The following CSTF3 variants were observed in gnomAD, a reference collection of about 807,000 sequenced individuals.
The protein encoded by CSTF3 is cleavage stimulation factor subunit 3.
A neutral mutation model predicts 105.8 loss-of-function variants in CSTF3; 29 were observed. That is an observed-to-expected ratio of 0.27 (90% confidence interval 0.20 to 0.37). The LOEUF is 0.37. Among genes scored for constraint, CSTF3 ranks in the 10% least tolerant of loss-of-function variants. The probability of loss-of-function intolerance (pLI) is 1.00; values close to 1 mark genes in which losing one functional copy is unlikely to be tolerated. For missense variants in CSTF3, 357 were observed against 879.3 expected (o/e 0.41, Z 7.51); for synonymous variants, 252 against 281.9 (o/e 0.89, Z 1.06).
At chr11:33,150,634 A>G (rs1590288503) in intron 1 of CSTF3, among the ~76,000 whole-genome samples, 1 of 152,334 alleles carries the variant, frequency 6.6e-6, no homozygotes, top group East Asian at 1.9e-4. Context: ...AGGCAGGTGG[A>G]TCACTTGAGC....
chr11:33,144,542 A>G (rs1284801503), intron 1 of CSTF3, among the ~76,000 whole-genome samples: 1 of 152,236 alleles, frequency 6.6e-6, no homozygotes, highest in East Asian at 1.9e-4. Context: ...CAGAATAACT[A>G]TATAATCATC....
chr11:33,141,391 T>C (rs543461092), intron 3 of CSTF3: 1 of 1,162,692 alleles, frequency 8.6e-7, no homozygotes, highest in African/African-American at 1.6e-5. Flanking sequence ...AGGCAATAAA[T>C]TGACACATGA....
chr11:33,155,567 T>C (rs917401445), intron 1 of CSTF3, among the ~76,000 whole-genome samples: 2 of 152,116 alleles, frequency 1.3e-5, no homozygotes, highest in African/African-American at 4.8e-5. Flanking sequence ...TAATCCAGAT[T>C]TAATACACTA....
chr11:33,089,279 C>G (rs1855141269), intron 17 of CSTF3, among the ~76,000 whole-genome samples: 1 of 145,524 alleles, frequency 6.9e-6, no homozygotes, highest in Admixed American at 7.1e-5. Context: ...CCAGGGAGAT[C>G]AAGGCTGCAG....
intron 16 of CSTF3, among the ~76,000 whole-genome samples, 167 bp from the exon 17 acceptor site, chr11:33,090,894 C>T (rs914855244): frequency 2.0e-5 from 3 of 152,052 alleles, no homozygotes; most frequent in Non-Finnish European, 2.9e-5. Context: ...ATAATGAATA[C>T]CTATATACCA....
In CSTF3 at chr11:33,105,879, T is replaced by A; in HGVS notation, c.458+4A>T. The A allele has an allele frequency of 6.4e-7, 1 of 1,561,000 alleles. No individual in the cohort carries two copies. Among genetic ancestry groups the A allele is most frequent in the Non-Finnish European group, 8.7e-7 (1 of 1,151,638 alleles). ...ATGTAAAAAAAAACTATACAAATACTTACACGCCTTTTAGGAAATTGATGT... is the reference window on the plus strand; with the variant it reads ...ATGTAAAAAAAAACTATACAAATACATACACGCCTTTTAGGAAATTGATGT... On this transcript the variant is annotated splice_donor_region_variant and intron_variant, in intron 7 of 20. Coordinates refer to ENST00000323959, the MANE Select transcript of CSTF3 (RefSeq NM_001326.3).
rs1214985238 is a variant in CSTF3 at position 33,106,060 on chromosome 11, T to C, written c.361A>G (p.Lys121Glu). 1 of 1,611,618 alleles carries C rather than the reference T, an allele frequency of 6.2e-7. No individual in the cohort carries two copies. Among genetic ancestry groups the C allele is most frequent in the Admixed American group, 1.7e-5 (1 of 59,854 alleles). ...TKGKLPSYKE[K>E]MAQAYDFALD... ...GCAAAGTCATATGCTTGAGCCATTT[T>C]TTCTCTGAAATGAACATGAAAGACG... is the stretch of plus-strand genomic sequence containing the variant. The change falls in exon 6 of 21, where the codon AAA becomes GAA. Residue 121 changes from lysine to glutamate, a missense_variant. Coordinates refer to ENST00000323959, the MANE Select transcript of CSTF3 (RefSeq NM_001326.3).
intron 3 of CSTF3, among the ~76,000 whole-genome samples, chr11:33,131,405 A>G (rs990920719): frequency 1.3e-5 from 2 of 152,142 alleles, no homozygotes; most frequent in Non-Finnish European, 2.9e-5. Flanking sequence ...CTCCTGATCA[A>G]AGAAAGAGTC....
At chr11:33,141,379 G>A (rs915995511) in intron 3 of CSTF3, 21 of 1,029,314 alleles carry the variant, frequency 2.0e-5, no homozygotes, top group Non-Finnish European at 2.6e-5. Flanking sequence ...AAATGACACA[G>A]GAGGCAATAA....
At position 33,099,851 on chromosome 11, in the gene CSTF3, C is replaced by G; in HGVS notation, c.827-134G>C. On this transcript the variant is annotated intron_variant, in intron 10 of 20. Transcript: ENST00000323959. The surrounding 1 kb of genome is among the most constrained non-coding windows in gnomAD (Gnocchi z 4.1). Reference sequence around the variant, plus strand: ...TAGAAATAAAAAGCTTTAGTGATTTCTGGCACCATCATCCATCCAAGTTCC... The same window carrying G: ...TAGAAATAAAAAGCTTTAGTGATTTGTGGCACCATCATCCATCCAAGTTCC... 1.9e-6 allele frequency: 1 copy of G among 528,364 alleles called. No individual in the cohort carries two copies. Among genetic ancestry groups the G allele is most frequent in the Non-Finnish European group, 3.2e-6 (1 of 307,996 alleles). 32.7% of individuals were successfully genotyped at this position (528,364 alleles called of 1,614,324 possible).
chr11:33,129,917 T>C (rs1314686433), intron 3 of CSTF3, among the ~76,000 whole-genome samples: 2 of 152,212 alleles, frequency 1.3e-5, no homozygotes, highest in African/African-American at 4.8e-5. Flanking sequence ...CTGAGGAATA[T>C]CAGGTAGCTA....
At chr11:33,089,230 C>A (rs779830229) in intron 17 of CSTF3, among the ~76,000 whole-genome samples, 5 of 151,856 alleles carry the variant, frequency 3.3e-5, no homozygotes, top group Non-Finnish European at 5.9e-5. Flanking sequence ...TGCCTGTAAT[C>A]CCAACTACTT....
At chr11:33,161,191 C>G (rs1476948477) in intron 1 of CSTF3, 108 bp downstream of exon 1, 3 of 1,210,588 alleles carry the variant, frequency 2.5e-6, no homozygotes, top group East Asian at 4.7e-5. Context: ...CCCTGTCCCC[C>G]GGGTTCACTA....
chr11:33,148,848 T>C (rs1383092400), intron 1 of CSTF3, among the ~76,000 whole-genome samples: 6 of 147,812 alleles, frequency 4.1e-5, no homozygotes, highest in Non-Finnish European at 7.4e-5. Flanking sequence ...TGTGTGTGTG[T>C]ACTGTTGCTG....
intron 3 of CSTF3, among the ~76,000 whole-genome samples, chr11:33,120,054 T>C (rs1373653362): frequency 1.3e-5 from 2 of 151,762 alleles, no homozygotes; most frequent in African/African-American, 4.8e-5. Flanking sequence ...GATAGTAAAA[T>C]ATGAATTCTA....
At chr11:33,142,218 G>GA (rs968885593) in intron 1 of CSTF3, among the ~76,000 whole-genome samples, 35 of 145,380 alleles carry the variant, frequency 2.4e-4, no homozygotes, top group South Asian at 1.5e-3. Flanking sequence ...TACTCAGAGA[G>GA]AAAAAAAAAA....
intron 1 of CSTF3, among the ~76,000 whole-genome samples, chr11:33,153,965 T>C (rs1849822756): frequency 6.6e-6 from 1 of 152,188 alleles, no homozygotes; most frequent in African/African-American, 2.4e-5. Flanking sequence ...TATTTCTCGC[T>C]ATTCAGGGTA....
intron 9 of CSTF3, 74 bp downstream of exon 9, chr11:33,103,033 A>G: frequency 1.0e-6 from 1 of 962,012 alleles, no homozygotes; most frequent in Non-Finnish European, 1.6e-6. Flanking sequence ...CAAGAGTAAT[A>G]CCAGACAGGG....
chr11:33,092,635 C>T (rs888683131), intron 15 of CSTF3, among the ~76,000 whole-genome samples: 4 of 152,088 alleles, frequency 2.6e-5, no homozygotes, highest in African/African-American at 4.8e-5. Flanking sequence ...ATAACAGTGC[C>T]GTCTGAACCA....
Sources: gnomAD v4.1 joint callset for allele counts (sites outside exome capture counted in the v4.1 genomes callset) on GRCh38, gnomAD v4.1.1 for gene constraint, Gnocchi (gnomAD v3.1) non-coding constraint, MANE v1.5 for transcripts, NCBI Gene and HGNC (gene_info 2026-07-23, HGNC 2026-07-21) for gene names.